Variants in SUMF1 observed in about 807,000 individuals in gnomAD.
SUMF1 encodes the protein formylglycine-generating enzyme.
A neutral mutation model predicts 47.6 loss-of-function variants in SUMF1; 48 were observed. The ratio of observed to expected loss-of-function variants is 1.01; its 90% CI spans 0.80 to 1.28. SUMF1 has a LOEUF of 1.28. Among genes scored for constraint, SUMF1 ranks in the 50% most tolerant of loss-of-function variants. SUMF1 has a pLI of 0.00. For synonymous variants in SUMF1, 230 were observed against 192.1 expected (o/e 1.20, Z -1.63); for missense variants, 571 against 485.4 (o/e 1.18, Z -1.66).
chr3:4,131,985 C>T (rs1693802186), intron 8 of SUMF1, among the ~76,000 whole-genome samples: 1 of 152,048 alleles, frequency 6.6e-6, no homozygotes, highest in East Asian at 1.9e-4. Context: ...TGCTGAGTGC[C>T]CAATTTGCCA....
At chr3:4,287,178 G>A (rs1282930000) in intron 8 of SUMF1, among the ~76,000 whole-genome samples, 1 of 151,992 alleles carries the variant, frequency 6.6e-6, no homozygotes, top group Non-Finnish European at 1.5e-5. Flanking sequence ...TTAAATACTG[G>A]TAGACAGAAC....
At chr3:4,306,726 T>C (rs1698205527) in intron 8 of SUMF1, among the ~76,000 whole-genome samples, 1 of 152,230 alleles carries the variant, frequency 6.6e-6, no homozygotes, top group Non-Finnish European at 1.5e-5. Flanking sequence ...GCTTGCTTGC[T>C]CCAAACCCTG....
At chr3:4,209,615 A>G (rs1052567555) in intron 8 of SUMF1, among the ~76,000 whole-genome samples, 3 of 152,036 alleles carry the variant, frequency 2.0e-5, no homozygotes, top group Non-Finnish European at 4.4e-5. Flanking sequence ...TCAAGAAGAA[A>G]AAAACAACAA....
chr3:4,165,757 C>G (rs1694685447), intron 8 of SUMF1, among the ~76,000 whole-genome samples: 1 of 151,500 alleles, frequency 6.6e-6, no homozygotes, highest in Non-Finnish European at 1.5e-5. Flanking sequence ...GTTTGTGGGT[C>G]AAATTGGCCC....
chr3:4,315,873 C>T (rs554563243), intron 8 of SUMF1, among the ~76,000 whole-genome samples: 54 of 151,628 alleles, frequency 3.6e-4, no homozygotes, highest in Admixed American at 2.6e-4. Flanking sequence ...ATGGTGAAAC[C>T]CCATCTCTAC....
chr3:4,112,937 T>G (rs1271948299), intron 8 of SUMF1, among the ~76,000 whole-genome samples: 1 of 152,166 alleles, frequency 6.6e-6, no homozygotes, highest in Non-Finnish European at 1.5e-5. Flanking sequence ...AATGCCAGTC[T>G]GCATAAATAG....
intron 8 of SUMF1, among the ~76,000 whole-genome samples, chr3:4,099,446 A>G (rs915229807): frequency 6.6e-6 from 1 of 152,180 alleles, no homozygotes; most frequent in Admixed American, 6.5e-5. Flanking sequence ...AATTAGATAT[A>G]GAAGAAATGT....
At chr3:4,143,585 G>T (rs1329510177) in intron 8 of SUMF1, among the ~76,000 whole-genome samples, 1 of 152,128 alleles carries the variant, frequency 6.6e-6, no homozygotes, top group East Asian at 1.9e-4. Context: ...ATATTCATGA[G>T]CCCTCTCTGT....
chr3:4,324,093 T>A (rs1698893483), intron 8 of SUMF1, among the ~76,000 whole-genome samples: 1 of 152,180 alleles, frequency 6.6e-6, no homozygotes, highest in African/African-American at 2.4e-5. Context: ...ATTAAGATTT[T>A]TTGTTTTCTG....
intron 6 of SUMF1, among the ~76,000 whole-genome samples, chr3:4,413,265 C>T (rs1370674632): frequency 6.6e-6 from 1 of 152,052 alleles, no homozygotes; most frequent in African/African-American, 2.4e-5. Flanking sequence ...CTCAGCCTTC[C>T]GAAGTGCTGG....
chr3:4,366,215 G>A (rs538299892), intron 8 of SUMF1, among the ~76,000 whole-genome samples: 232 of 152,024 alleles, frequency 1.5e-3, no homozygotes, highest in Middle Eastern at 0.01. Flanking sequence ...TCTTCTCGAG[G>A]AGTATCTTTG....
At chr3:4,124,852 G>C (rs1362111212) in intron 8 of SUMF1, among the ~76,000 whole-genome samples, 1 of 150,132 alleles carries the variant, frequency 6.7e-6, no homozygotes, top group Non-Finnish European at 1.5e-5. Context: ...ACCACTGAAA[G>C]TCAATATCTA....
intron 8 of SUMF1, among the ~76,000 whole-genome samples, chr3:4,219,528 A>G (rs1435580741): frequency 6.6e-6 from 1 of 152,134 alleles, no homozygotes; most frequent in Non-Finnish European, 1.5e-5. Flanking sequence ...TAAGTTGCAA[A>G]GTCTCCCACA....
intron 8 of SUMF1, among the ~76,000 whole-genome samples, chr3:4,071,022 T>G (rs1695508891): frequency 6.6e-6 from 1 of 152,132 alleles, no homozygotes; most frequent in Non-Finnish European, 1.5e-5. Context: ...TAAGTTGATT[T>G]AGCTTTGTGT....
intron 8 of SUMF1, among the ~76,000 whole-genome samples, chr3:4,110,276 C>A (rs1185081575): frequency 6.6e-6 from 1 of 152,074 alleles, no homozygotes; most frequent in Non-Finnish European, 1.5e-5. Context: ...CCTGATCGTT[C>A]CTCTGGAAGT....
intron 9 of SUMF1, among the ~76,000 whole-genome samples, chr3:4,047,907 A>C (rs975597274): frequency 6.6e-6 from 1 of 152,064 alleles, no homozygotes; most frequent in Non-Finnish European, 1.5e-5. Context: ...AATATCTTAC[A>C]TGCTTTTATC....
At chr3:4,198,976 T>C (rs1407276403) in intron 8 of SUMF1, among the ~76,000 whole-genome samples, 1 of 152,162 alleles carries the variant, frequency 6.6e-6, no homozygotes, top group Non-Finnish European at 1.5e-5. Flanking sequence ...CTTCCACTAT[T>C]TTTTCTCATT....
At chr3:4,391,969 C>T (rs1030733318) in intron 7 of SUMF1, among the ~76,000 whole-genome samples, 32 of 151,994 alleles carry the variant, frequency 2.1e-4, no homozygotes, top group Admixed American at 8.5e-4. Context: ...GTTAGGACTA[C>T]AGATGTGCAC....
chr3:4,185,490 C>G (rs1363753925), intron 8 of SUMF1, among the ~76,000 whole-genome samples: 1 of 152,182 alleles, frequency 6.6e-6, no homozygotes, highest in Non-Finnish European at 1.5e-5. Flanking sequence ...CTGTCCTCAA[C>G]AGATATATGA....
Sources: allele counts gnomAD v4.1 joint callset (sites outside exome capture counted in the v4.1 genomes callset), GRCh38; gene constraint gnomAD v4.1.1; transcripts MANE v1.5; gene names NCBI Gene and HGNC (gene_info 2026-07-23, HGNC 2026-07-21).